APBA1: variants seen among roughly 807,000 people sequenced by gnomAD.
APBA1 encodes amyloid-beta A4 precursor protein-binding family A member 1.
In APBA1, 55 loss-of-function variants were observed where a neutral mutation model predicts 86.6. The ratio of observed to expected loss-of-function variants is 0.64; its 90% CI spans 0.51 to 0.80. APBA1 has a LOEUF of 0.80. Among genes scored for constraint, APBA1 ranks in the 30% least tolerant of loss-of-function variants. The pLI is 0.00. For missense variants in APBA1, 1,090 were observed against 1,183.0 expected, an observed-to-expected ratio of 0.92 and a Z score of 1.15; for synonymous variants, 511 against 493.9, an observed-to-expected ratio of 1.03 and a Z score of -0.46.
intron 1 of APBA1, among the ~76,000 whole-genome samples, chr9:69,604,620 G>A (rs1045191789): frequency 6.7e-6 from 1 of 148,556 alleles, no homozygotes; most frequent in Non-Finnish European, 1.5e-5. Context: ...GAGGGTAAGT[G>A]GAGAGGCACA....
At chr9:69,458,808 CTTT>C (rs533176322) in intron 5 of APBA1, among the ~76,000 whole-genome samples, 3 of 140,494 alleles carry the variant, frequency 2.1e-5, no homozygotes, top group African/African-American at 7.9e-5. Flanking sequence ...CTTTTCTTTT[CTTT>C]TTTTTTTTTT....
chr9:69,536,828 T>C (rs1836519443), intron 1 of APBA1, among the ~76,000 whole-genome samples: 2 of 150,482 alleles, frequency 1.3e-5, no homozygotes, highest in African/African-American at 2.4e-5. Context: ...TGCAGTGAAC[T>C]GAGATCGTGC....
rs552382280 is a variant in APBA1 at position 69,532,947 on chromosome 9, T to G, written c.-69-15668A>C. Reference sequence around the variant, plus strand: ...TTCATACATAATTGTGTGAAATAACTTAAGTACAAGGCTATTTAAATGACT... The same window carrying G: ...TTCATACATAATTGTGTGAAATAACGTAAGTACAAGGCTATTTAAATGACT... On this transcript the variant is annotated intron_variant, in intron 1 of 12. Coordinates refer to ENST00000265381, the MANE Select transcript of APBA1 (RefSeq NM_001163.4). 7.9e-5 allele frequency among the ~76,000 whole-genome samples: 12 copies of G among 152,268 alleles called. No individual in the cohort carries two copies. In the East Asian group the frequency reaches 2.3e-3, roughly 29 times the overall value.
At chr9:69,647,827 A>G (rs760211409) in intron 1 of APBA1, among the ~76,000 whole-genome samples, 3 of 152,262 alleles carry the variant, frequency 2.0e-5, no homozygotes, top group African/African-American at 7.2e-5. Flanking sequence ...GAAATCAAAC[A>G]AAAGGTGCTT....
chr9:69,612,882 A>T (rs545897901), intron 1 of APBA1, among the ~76,000 whole-genome samples: 2 of 152,130 alleles, frequency 1.3e-5, no homozygotes, highest in Non-Finnish European at 2.9e-5. Flanking sequence ...GAAGAAAGTT[A>T]TAAGTATTAA....
At chr9:69,554,600 A>T (rs1296899223) in intron 1 of APBA1, among the ~76,000 whole-genome samples, 1 of 152,200 alleles carries the variant, frequency 6.6e-6, no homozygotes, top group Non-Finnish European at 1.5e-5. Flanking sequence ...TAAATATTAT[A>T]CAACAAAGAC....
Position 69,472,979 on chromosome 9 carries a change from A to G in APBA1, c.1297-1284T>C, listed in dbSNP as rs1835388614. ...TCCAGCTCAATTCAGGATAATGACAATTCAACACTAATCACACAATAATAC... is the reference window on the plus strand; with the variant it reads ...TCCAGCTCAATTCAGGATAATGACAGTTCAACACTAATCACACAATAATAC... On this transcript the variant is annotated intron_variant, in intron 3 of 12. Transcript: ENST00000265381. Among the ~76,000 whole-genome samples the G allele has an allele frequency of 2.0e-5, 3 of 152,222 alleles. No individual in the cohort carries two copies. In the South Asian group the frequency reaches 6.2e-4, roughly 32 times the overall value.
chr9:69,517,070 A>T lies in APBA1; in HGVS notation c.141T>A (p.Tyr47Ter). ...CTCGCCCGCGCTGGTGGCGGCCCAC[A>T]TAGTGCTGCTGCTGCGGCGGCTGCT... Reference protein sequence around the residue: ...EQQQPPQQQHYVGRHQRGRAL... With the variant: ...EQQQPPQQQH Residue 47 changes from tyrosine to a stop codon, truncating the protein, a stop_gained, in exon 2 of 13, where the codon TAT becomes TAA. Transcript: ENST00000265381. LOFTEE classifies it high-confidence loss of function. The T allele has an allele frequency of 6.3e-7, 1 of 1,585,690 alleles. No homozygotes were observed. Among genetic ancestry groups the T allele is most frequent in the South Asian group, 1.1e-5 (1 of 88,186 alleles).
intron 11 of APBA1, among the ~76,000 whole-genome samples, chr9:69,434,674 T>A (rs1564027181): frequency 6.7e-6 from 1 of 148,464 alleles, no homozygotes; most frequent in East Asian, 2.0e-4. Context: ...GCCACTGTAC[T>A]CCATCTTGGA....
intron 10 of APBA1, among the ~76,000 whole-genome samples, chr9:69,444,771 C>T (rs1240401614): frequency 6.6e-6 from 1 of 152,182 alleles, no homozygotes; most frequent in Non-Finnish European, 1.5e-5. Flanking sequence ...TTTCCATCCA[C>T]CTAATCAATA....
chr9:69,494,166 TG>T (rs1835758325), intron 2 of APBA1: 1 of 152,140 alleles, frequency 6.6e-6, no homozygotes, highest in South Asian at 2.1e-4. Context: ...GATAATAGCC[TG>T]GGCTTAATGA....
At chr9:69,520,695 G>T (rs895719092) in intron 1 of APBA1, among the ~76,000 whole-genome samples, 2 of 152,046 alleles carry the variant, frequency 1.3e-5, no homozygotes, top group South Asian at 2.1e-4. Flanking sequence ...CTCTCAAACT[G>T]GGTTCCCTCC....
intron 1 of APBA1, among the ~76,000 whole-genome samples, chr9:69,657,827 T>C (rs748492662): frequency 1.3e-4 from 20 of 152,358 alleles, no homozygotes; most frequent in Middle Eastern, 3.4e-3. Context: ...CCATCAATTA[T>C]ATATTTTTAA....
At chr9:69,527,628 A>G (rs1045985446) in intron 1 of APBA1, among the ~76,000 whole-genome samples, 1 of 152,052 alleles carries the variant, frequency 6.6e-6, no homozygotes, top group African/African-American at 2.4e-5. Flanking sequence ...ATTACATTAC[A>G]CTGAGCCCAT....
chr9:69,435,648 T>C (rs1028368598), intron 11 of APBA1, among the ~76,000 whole-genome samples: 92 of 152,388 alleles, frequency 6.0e-4, no homozygotes, highest in Non-Finnish European at 1.2e-3. Context: ...GGTTGTTTTT[T>C]TCTTGTAAAT....
chr9:69,606,166 A>T (rs1439817907), intron 1 of APBA1, among the ~76,000 whole-genome samples: 2 of 152,264 alleles, frequency 1.3e-5, no homozygotes, highest in Non-Finnish European at 2.9e-5. Flanking sequence ...ATATCAGTGC[A>T]GCCAAAGAGG....
chr9:69,510,610 C>A (rs1836019030), intron 2 of APBA1, among the ~76,000 whole-genome samples: 1 of 140,740 alleles, frequency 7.1e-6, no homozygotes, highest in South Asian at 2.2e-4. Context: ...GCCCGCATCG[C>A]CAAGGCAATC....
At chr9:69,633,419 C>T (rs1823090377) in intron 1 of APBA1, among the ~76,000 whole-genome samples, 1 of 152,162 alleles carries the variant, frequency 6.6e-6, no homozygotes, top group Non-Finnish European at 1.5e-5. Context: ...CAGAAAGCAG[C>T]AGTTGAGCCA....
intron 1 of APBA1, among the ~76,000 whole-genome samples, chr9:69,658,866 G>T (rs1823696167): frequency 1.3e-5 from 2 of 152,106 alleles, no homozygotes; most frequent in African/African-American, 4.8e-5. Context: ...AAGACTGACA[G>T]GTATGGAGTA....
Sources: gnomAD v4.1 joint callset for allele counts (sites outside exome capture counted in the v4.1 genomes callset) on GRCh38, gnomAD v4.1.1 for gene constraint, MANE v1.5 for transcripts, NCBI Gene and HGNC (gene_info 2026-07-23, HGNC 2026-07-21) for gene names.